Variants in ZNF346 observed in about 807,000 individuals in gnomAD.
The protein encoded by ZNF346 is double-stranded RNA-binding zinc finger protein JAZ.
ZNF346 carries 23 observed loss-of-function variants against 33.7 expected under a neutral mutation model. The observed-to-expected ratio is 0.68, with a 90% CI of 0.49 to 0.97. ZNF346 has a LOEUF of 0.97. Among genes scored for constraint, ZNF346 ranks in the 50% least tolerant of loss-of-function variants. The pLI is 0.00. For synonymous variants in ZNF346, 134 were observed against 142.4 expected, an observed-to-expected ratio of 0.94 and a Z score of 0.42; for missense variants, 340 against 371.1, an observed-to-expected ratio of 0.92 and a Z score of 0.69.
chr5:177,026,285 G>A (rs528147823), intron 1 of ZNF346, among the ~76,000 whole-genome samples: 11 of 151,556 alleles, frequency 7.3e-5, no homozygotes, highest in South Asian at 4.2e-4. Context: ...CATTACACGC[G>A]TGAGCTACCA....
At chr5:177,025,200 G>T (rs1159663763) in intron 1 of ZNF346, among the ~76,000 whole-genome samples, 2 of 152,178 alleles carry the variant, frequency 1.3e-5, no homozygotes, top group Non-Finnish European at 2.9e-5. Context: ...CTCTCAGCAT[G>T]TTTTTGAAGT....
At chr5:177,028,040 CTTTTTTTTT>C (rs10682528) in intron 1 of ZNF346, among the ~76,000 whole-genome samples, 42 of 33,534 alleles carry the variant, frequency 1.3e-3, no homozygotes, top group African/African-American at 5.4e-3. Context: ...CCTTGTGTCA[CTTTTTTTTT>C]TTTTTTTTTT....
At chr5:177,026,138 G>A (rs1031137185) in intron 1 of ZNF346, among the ~76,000 whole-genome samples, 1 of 151,756 alleles carries the variant, frequency 6.6e-6, no homozygotes, top group Non-Finnish European at 1.5e-5. Flanking sequence ...CCGAGTAGCT[G>A]GGATTACAGG....
Position 177,041,799 on chromosome 5 carries a change from G to T in ZNF346, c.301G>T (p.Val101Leu), listed in dbSNP as rs1405828871. 1.2e-6 allele frequency: 2 copies of T among 1,613,380 alleles called. No individual in the cohort carries two copies. Among genetic ancestry groups the T allele is most frequent in the African/African-American group, 1.3e-5 (1 of 74,872 alleles). ...GCAGAGCAAAAAACATGCCAACAAA[G>T]TGAAGAGATACCTAGCAATCCATGG... Reference protein sequence around the residue: ...HYQSKKHANKVKRYLAIHGME... With the variant: ...HYQSKKHANKLKRYLAIHGME... The change falls in exon 3 of 7, where the codon GTG (valine) becomes TTG (leucine). Residue 101 changes from valine to leucine, a missense_variant. Transcript: ENST00000358149.
At chr5:177,030,268 C>T (rs1223109477) in intron 1 of ZNF346, among the ~76,000 whole-genome samples, 2 of 152,012 alleles carry the variant, frequency 1.3e-5, no homozygotes, top group African/African-American at 2.4e-5. Flanking sequence ...TTGTTGATTT[C>T]TGATTAAATT....
downstream of ZNF346, among the ~76,000 whole-genome samples, chr5:177,072,740 T>C (rs1443863803): frequency 6.6e-6 from 1 of 152,070 alleles, no homozygotes; most frequent in Admixed American, 6.6e-5. Flanking sequence ...TCCCAGCTAC[T>C]CAGGAGGCTG....
chr5:177,028,750 C>T (rs558303979), intron 1 of ZNF346, among the ~76,000 whole-genome samples: 2 of 113,276 alleles, frequency 1.8e-5, no homozygotes, highest in South Asian at 3.2e-4. Flanking sequence ...GATGGAGTCT[C>T]GCTCTGTTGC....
At chr5:177,062,221 C>A in intron 6 of ZNF346, 70 bp downstream of exon 6, 1 of 1,308,346 alleles carries the variant, frequency 7.6e-7, no homozygotes, top group Non-Finnish European at 1.1e-6. Flanking sequence ...AGAACAAAGC[C>A]AGGTAGTTCT....
In ZNF346 at chr5:177,050,915, C is replaced by T; in HGVS notation, c.682C>T (p.Pro228Ser). ...LMARYGRLAD[P>S]AVTDFPAGKG... ...GGCACGCTATGGGCGGCTGGCGGACCCTGCTGTCACTGACTTTCCAGGTGA... is the reference window on the plus strand; with the variant it reads ...GGCACGCTATGGGCGGCTGGCGGACTCTGCTGTCACTGACTTTCCAGGTGA... The change falls in exon 5 of 7, where the codon CCT becomes TCT. Residue 228 changes from proline to serine, a missense_variant. Physicochemically the swap from Pro to Ser is moderately conservative, Grantham distance 74. Coordinates refer to ENST00000358149, the MANE Select transcript of ZNF346 (RefSeq NM_012279.4). The T allele has an allele frequency of 6.2e-7, 1 of 1,614,104 alleles. No individual in the cohort carries two copies. The highest frequency in any genetic ancestry group is 8.5e-7 in the Non-Finnish European group (1 of 1,180,010).
chr5:177,024,898 A>G (rs1271792867), intron 1 of ZNF346, among the ~76,000 whole-genome samples: 4 of 152,190 alleles, frequency 2.6e-5, no homozygotes, highest in African/African-American at 9.7e-5. Context: ...TTTATGTGAA[A>G]TCTAGGTAGA....
chr5:177,044,577 C>T, intron 4 of ZNF346, 44 bp downstream of exon 4: 1 of 1,604,596 alleles, frequency 6.2e-7, no homozygotes, highest in African/African-American at 1.3e-5. Flanking sequence ...CCCCTGCCGT[C>T]CTCAGGGCAC....
In ZNF346 at chr5:177,064,813, A is replaced by T; in HGVS notation, c.*214A>T. 1.2e-5 allele frequency: 7 copies of T among 571,112 alleles called. 1 individual carries two copies. The South Asian group carries it at 1.5e-4, about 13-fold the overall frequency. The allele number at this position is 571,112 out of a possible 1,614,324, so 35.4% of individuals were successfully genotyped here. A position where few individuals can be genotyped will look rare whatever the true frequency, so the allele number is the denominator to read the frequency against. On this transcript the variant is annotated 3_prime_UTR_variant, in exon 7 of 7. Coordinates refer to ENST00000358149, the MANE Select transcript of ZNF346 (RefSeq NM_012279.4). ...TCCTGTAGGTCATGACAGGGGAGGC[A>T]AGGGTATTGAGAGACTCGGGGTCTC...
intron 1 of ZNF346, among the ~76,000 whole-genome samples, chr5:177,036,615 A>G (rs1778551879): frequency 6.6e-6 from 1 of 152,170 alleles, no homozygotes; most frequent in Admixed American, 6.5e-5. Context: ...GCTGTCACAC[A>G]GTCTCAGCCA....
intron 1 of ZNF346, among the ~76,000 whole-genome samples, chr5:177,034,676 CAT>C (rs1359403083): frequency 4.6e-5 from 7 of 152,326 alleles, no homozygotes; most frequent in African/African-American, 1.7e-4. Context: ...ACTTGGCTAT[CAT>C]GTGGATATAA....
chr5:177,054,345 A>G (rs890944803), intron 5 of ZNF346, among the ~76,000 whole-genome samples: 1 of 151,938 alleles, frequency 6.6e-6, no homozygotes, highest in East Asian at 1.9e-4. Context: ...TGCTGGGATT[A>G]CAGACATGAG....
At chr5:177,036,650 G>C (rs353488) in intron 1 of ZNF346, among the ~76,000 whole-genome samples, 148,921 of 152,284 alleles carry the variant, frequency 0.98, 72,828 homozygotes, top group East Asian at 1. Context: ...CCAACCATGA[G>C]CACACCTCCG....
intron 4 of ZNF346, among the ~76,000 whole-genome samples, chr5:177,048,006 T>G (rs1283560739): frequency 1.3e-5 from 2 of 152,204 alleles, no homozygotes; most frequent in Admixed American, 1.3e-4. Flanking sequence ...ATTAAAAAAT[T>G]CTTTATAAGC....
In ZNF346 at chr5:177,077,397, A is replaced by G. The variant is rs1257321714; in HGVS notation, c.*3-1985A>G. Among the ~76,000 whole-genome samples, 1 of 152,218 alleles carries G rather than the reference A, an allele frequency of 6.6e-6. No homozygotes were observed. The highest frequency in any genetic ancestry group is 1.5e-5 in the Non-Finnish European group (1 of 68,030). On this transcript the variant is annotated intron_variant, in intron 8 of 8. Transcript: ENST00000503039. The surrounding 1 kb of genome is among the most constrained non-coding windows in gnomAD (Gnocchi z 5.0). The stretch of plus-strand genomic sequence containing the variant: ...AGCCGAAGAAAAAATTATTTGGTTC[A>G]CATAGTGAAATGTTCAAAGAAGGAA...
intron 1 of ZNF346, among the ~76,000 whole-genome samples, chr5:177,028,496 T>TTATATATATATATATATATATATA (rs150044807): frequency 0.028 from 2,484 of 89,866 alleles, 145 homozygotes; most frequent in African/African-American, 0.036. Context: ...TTGTGACGTT[T>TTATATATATATATATATATATATA]TATATATATA....
Sources: allele counts gnomAD v4.1 joint callset (sites outside exome capture counted in the v4.1 genomes callset), GRCh38; gene constraint gnomAD v4.1.1; non-coding constraint Gnocchi (gnomAD v3.1); transcripts MANE v1.5; gene names NCBI Gene and HGNC (gene_info 2026-07-23, HGNC 2026-07-21).